Variants in PDSS1 observed in about 807,000 individuals in gnomAD.
PDSS1 encodes the protein decaprenyl diphosphate synthase subunit 1, also known as all trans-polyprenyl-diphosphate synthase PDSS1.
In PDSS1, 43 loss-of-function variants were observed where a neutral mutation model predicts 57.5. That is an observed-to-expected ratio of 0.75 (90% CI 0.59 to 0.96). The LOEUF is 0.96. Among genes scored for constraint, PDSS1 ranks in the 50% least tolerant of loss-of-function variants. PDSS1 has a pLI of 0.00. For synonymous variants in PDSS1, 175 were observed against 191.3 expected (o/e 0.91, Z 0.70); for missense variants, 438 against 527.8 (o/e 0.83, Z 1.67).
chr10:26,700,693 C>T (rs7916511), intron 1 of PDSS1, among the ~76,000 whole-genome samples: 41,554 of 151,876 alleles, frequency 0.27, 5,883 homozygotes, highest in Admixed American at 0.33. Flanking sequence ...CTCCTTCTTC[C>T]ACCATGATTC....
chr10:26,745,235 T>C (rs981636888), intron 11 of PDSS1, among the ~76,000 whole-genome samples: 1 of 152,198 alleles, frequency 6.6e-6, no homozygotes. Context: ...AGAATTATAG[T>C]ATATGACTTG....
chr10:26,709,556 C>T lies in PDSS1; in HGVS notation c.337-82C>T, dbSNP rs866022493. The T allele has an allele frequency of 9.5e-5, 134 of 1,411,576 alleles. No individual in the cohort carries two copies. In the Middle Eastern group the frequency reaches 4.5e-3, roughly 47 times the overall value. The allele number at this position is 1,411,576 out of a possible 1,614,324, so 87.4% of individuals were successfully genotyped here. On this transcript the variant is annotated intron_variant, in intron 4 of 11. Coordinates refer to ENST00000376215, the MANE Select transcript of PDSS1 (RefSeq NM_014317.5). ...AGTCTGGGCAACAAGAGCGAAACTC[C>T]GTCTCAAAAAAAAAAAGAAATCCTG...
Position 26,746,393 on chromosome 10 carries a change from G to A in PDSS1, c.1168G>A (p.Glu390Lys), listed in dbSNP as rs771476505. ...GCAGTACTGCCATGAAGCAATAAGAGAGATCAGTAAACTTCGACCATCCCC... is the reference window on the plus strand; with the variant it reads ...GCAGTACTGCCATGAAGCAATAAGAAAGATCAGTAAACTTCGACCATCCCC... The part of the protein sequence containing the change: ...AQQYCHEAIR[E>K]ISKLRPSPER... The change falls in exon 12 of 12, where the codon GAG becomes AAG. Residue 390 changes from glutamate (E) to lysine (K), a missense_variant. Physicochemically the swap from Glu to Lys is moderately conservative, Grantham distance 56. Transcript: ENST00000376215. The A allele has an allele frequency of 7.4e-6, 12 of 1,614,066 alleles. No homozygotes were observed. The highest frequency in any genetic ancestry group is 4.5e-5 in the East Asian group (2 of 44,870).
In PDSS1 at chr10:26,705,322, T is replaced by C. The variant is rs753032790; in HGVS notation, c.264T>C (p.Ser88=). ...CAACCCCAGACAGTAAAACACACAGTGGTGAAAAATACACCGATCCTTTCA... is the reference window on the plus strand; with the variant it reads ...CAACCCCAGACAGTAAAACACACAGCGGTGAAAAATACACCGATCCTTTCA... ...HHTTPDSKTH[S]GEKYTDPFKL... The change falls in exon 4 of 12, where the codon AGT becomes AGC. Residue 88 remains serine (S), a synonymous_variant. Transcript: ENST00000376215. 6.2e-7 allele frequency: 1 copy of C among 1,612,912 alleles called. No individual in the cohort carries two copies. The highest frequency in any genetic ancestry group is 2.2e-5 in the East Asian group (1 of 44,836).
At chr10:26,733,373 G>GA (rs1256124404) in intron 8 of PDSS1, among the ~76,000 whole-genome samples, 1 of 152,090 alleles carries the variant, frequency 6.6e-6, no homozygotes, top group African/African-American at 2.4e-5. Context: ...CTCTTCAGTT[G>GA]AAAAAAGGAG....
rs1836957329 is a variant in PDSS1, at chr10:26,746,693, A to AAATT, written c.*222_*225dup. On this transcript the variant is annotated 3_prime_UTR_variant, in exon 12 of 12. Transcript: ENST00000376215. ...CCTGAATCTGTCATTCTAGTCCTAT[A>AAATT]AATTATAATCAAGGTATCTTGATGG... 2 of 534,416 alleles carry AAATT rather than the reference A, an allele frequency of 3.7e-6. No individual in the cohort carries two copies. Among genetic ancestry groups the AAATT allele is most frequent in the African/African-American group, 1.9e-5 (1 of 52,874 alleles). The allele number at this position is 534,416 out of a possible 1,614,324, so 33.1% of individuals were successfully genotyped here.
intron 8 of PDSS1, among the ~76,000 whole-genome samples, chr10:26,726,738 A>G (rs1835959492): frequency 6.6e-6 from 1 of 151,824 alleles, no homozygotes; most frequent in Admixed American, 6.6e-5. Context: ...GTCTAGGGGG[A>G]TTGTTTTGTG....
At chr10:26,721,581 G>A (rs1283548913) in intron 6 of PDSS1, among the ~76,000 whole-genome samples, 2 of 151,980 alleles carry the variant, frequency 1.3e-5, no homozygotes, top group South Asian at 2.1e-4. Context: ...AAGGTTTTAC[G>A]TCCTGTTGAC....
rs1411796758 is a variant in PDSS1, at chr10:26,712,959, G to T, written c.467+3191G>T. On this transcript the variant is annotated intron_variant, in intron 5 of 11. Transcript: ENST00000376215. ...GGCTTATCAGATGCTGTGTTTTTTTGTTTTTTTGTTTTTTTTTTTGCTTCT... is the reference window on the plus strand; with the variant it reads ...GGCTTATCAGATGCTGTGTTTTTTTTTTTTTTTGTTTTTTTTTTTGCTTCT... Among the ~76,000 whole-genome samples the T allele has an allele frequency of 6.5e-5, 6 of 92,966 alleles. 2 individuals are homozygous for T. The highest frequency in any genetic ancestry group is 1.8e-4 in the African/African-American group (5 of 28,474). The allele number at this position is 92,966 out of a possible 152,430, so 61.0% of individuals were successfully genotyped here.
At chr10:26,708,444 A>C (rs1310855772) in intron 4 of PDSS1, among the ~76,000 whole-genome samples, 3 of 152,214 alleles carry the variant, frequency 2.0e-5, no homozygotes, top group Non-Finnish European at 4.4e-5. Flanking sequence ...TCTAGCCTGC[A>C]CTGATCTCTT....
Position 26,709,637 on chromosome 10 carries a change from G to T in PDSS1, c.337-1G>T. 1.9e-6 allele frequency: 3 copies of T among 1,613,734 alleles called. No homozygotes were observed. Among genetic ancestry groups the T allele is most frequent in the Non-Finnish European group, 2.5e-6 (3 of 1,179,708 alleles). On this transcript the variant is annotated splice_acceptor_variant, in intron 4 of 11. Transcript: ENST00000376215. LOFTEE classifies it high-confidence loss of function. ...TGTGACACAGAGAAACTTTATTTCA[G>T]GAACTGCTTATATCAACATCAGAAC...
intron 10 of PDSS1, among the ~76,000 whole-genome samples, chr10:26,741,886 TTTTA>T (rs939380807): frequency 2.6e-5 from 4 of 152,188 alleles, no homozygotes; most frequent in African/African-American, 7.2e-5. Flanking sequence ...GTTTTTTATT[TTTTA>T]TTTGAGACGG....
chr10:26,712,838 C>A (rs1308806251), intron 5 of PDSS1, among the ~76,000 whole-genome samples: 1 of 98,656 alleles, frequency 1.0e-5, no homozygotes, highest in Non-Finnish European at 2.4e-5. Flanking sequence ...ATCAGTGAAC[C>A]TGACATTGAA....
At chr10:26,704,630 T>G in intron 2 of PDSS1, 47 bp from the exon 3 acceptor site, 1 of 850,494 alleles carries the variant, frequency 1.2e-6, no homozygotes. Flanking sequence ...AATGTTACAG[T>G]TTTTCAGGAA....
rs1203931422 is a variant in PDSS1, at chr10:26,704,083, C to CAAAAAAAAAAAAAAAAAAAAAAA, written c.163-575_163-574insAAAAAAAAAAAAAAAAAAAAAAA. Among the ~76,000 whole-genome samples, 257 of 30,946 alleles carry CAAAAAAAAAAAAAAAAAAAAAAA rather than the reference C, an allele frequency of 8.3e-3. 37 individuals are homozygous for CAAAAAAAAAAAAAAAAAAAAAAA. Among genetic ancestry groups the CAAAAAAAAAAAAAAAAAAAAAAA allele is most frequent in the Non-Finnish European group, 0.012 (194 of 16,276 alleles). The allele number at this position is 30,946 out of a possible 152,430, so 20.3% of individuals were successfully genotyped here. A position where few individuals can be genotyped will look rare whatever the true frequency, so the allele number is the denominator to read the frequency against. ...GACGACAGAACGAGACTCCGTCTCACAAAAAAAAAAAAAAAAAAATATGGC... is the reference window on the plus strand; with the variant it reads ...GACGACAGAACGAGACTCCGTCTCACAAAAAAAAAAAAAAAAAAAAAAAAAAAAAAAAAAAAAAAAAATATGGC... On this transcript the variant is annotated intron_variant, in intron 2 of 11. Coordinates refer to ENST00000376215, the MANE Select transcript of PDSS1 (RefSeq NM_014317.5).
chr10:26,699,059 A>G (rs769620756), intron 1 of PDSS1, among the ~76,000 whole-genome samples: 14 of 152,222 alleles, frequency 9.2e-5, no homozygotes, highest in African/African-American at 1.4e-4. Flanking sequence ...CAGGAGTTCA[A>G]GATTACAGTG....
intron 10 of PDSS1, among the ~76,000 whole-genome samples, chr10:26,739,722 CTG>C (rs1375772774): frequency 1.3e-5 from 2 of 152,294 alleles, no homozygotes; most frequent in African/African-American, 4.8e-5. Flanking sequence ...CTAAAACAGG[CTG>C]TGTGTAGTGG....
chr10:26,709,742 A>G lies in PDSS1; in HGVS notation c.441A>G (p.Ala147=), dbSNP rs1454533947. The part of the protein sequence containing the change: ...RPIIVALMAR[A]CNIHHNNSRH... ...TTATTGTGGCGCTAATGGCCCGAGCATGCAATATTCATCATAACAACTCCC... is the reference window on the plus strand; with the variant it reads ...TTATTGTGGCGCTAATGGCCCGAGCGTGCAATATTCATCATAACAACTCCC... The change falls in exon 5 of 12, where the codon GCA becomes GCG. Residue 147 remains alanine, a synonymous_variant. Transcript: ENST00000376215. 1.2e-6 allele frequency: 2 copies of G among 1,614,050 alleles called. No individual in the cohort carries two copies. The highest frequency in any genetic ancestry group is 1.7e-6 in the Non-Finnish European group (2 of 1,179,930).
At chr10:26,715,520 C>A (rs889585537) in intron 5 of PDSS1, 9 of 152,356 alleles carry the variant, frequency 5.9e-5, no homozygotes, top group African/African-American at 2.2e-4. Flanking sequence ...CCTCAGCCTC[C>A]CAAGTAGCTG....
Sources: allele counts gnomAD v4.1 joint callset (sites outside exome capture counted in the v4.1 genomes callset), GRCh38; gene constraint gnomAD v4.1.1; transcripts MANE v1.5; gene names NCBI Gene and HGNC (gene_info 2026-07-23, HGNC 2026-07-21).